MYCBP2: variants seen among roughly 807,000 people sequenced by gnomAD.
MYCBP2 encodes MYC binding protein 2, also known as E3 ubiquitin-protein ligase MYCBP2.
MYCBP2 carries 120 observed loss-of-function variants against 525.3 expected under a neutral mutation model. The observed-to-expected ratio is 0.23, with a 90% CI of 0.20 to 0.27. The LOEUF (loss-of-function observed/expected upper bound fraction) is 0.27. Ranked by LOEUF, MYCBP2 falls within the 10% of genes least tolerant of loss-of-function variation. The probability of loss-of-function intolerance (pLI) is 1.00; values close to 1 mark genes in which losing one functional copy is unlikely to be tolerated. For synonymous variants in MYCBP2, 1,894 were observed against 1,955.8 expected (o/e 0.97, Z 0.83); for missense variants, 4,149 against 5,657.1 (o/e 0.73, Z 8.55).
intron 38 of MYCBP2, among the ~76,000 whole-genome samples, chr13:77,170,558 A>C (rs1379169736): frequency 6.6e-6 from 1 of 151,924 alleles, no homozygotes; most frequent in Non-Finnish European, 1.5e-5. Flanking sequence ...AATGTTATAC[A>C]ATAAGGAGGT....
In MYCBP2 at chr13:77,191,774, C is replaced by T. The variant is rs1229615471; in HGVS notation, c.3975G>A (p.Leu1325=). The T allele has an allele frequency of 6.2e-7, 1 of 1,613,942 alleles. No individual in the cohort carries two copies. Among genetic ancestry groups the T allele is most frequent in the Non-Finnish European group, 8.5e-7 (1 of 1,180,000 alleles). The change falls in exon 28 of 83, where the codon CTG becomes CTA. Residue 1325 remains leucine (L), a synonymous_variant. Transcript: ENST00000544440. ...ATGCCACATACCACCACCCAGCTTG[C>T]AGGAGAACAGGCTCATCAAACATCA... ...YAMMFDEPVL[L]QAGWWYVAWA... is the part of the protein sequence containing the mutation.
chr13:77,228,488 T>TA (rs2066634149), intron 18 of MYCBP2, among the ~76,000 whole-genome samples: 2 of 147,018 alleles, frequency 1.4e-5, no homozygotes, highest in South Asian at 4.3e-4. Flanking sequence ...GCCTAGGTGA[T>TA]AGAGTGAGAC....
chr13:77,225,697 G>A, intron 18 of MYCBP2, 143 bp from the exon 19 acceptor site: 2 of 1,028,758 alleles, frequency 1.9e-6, no homozygotes, highest in South Asian at 3.7e-5. Context: ...AGAAGTGATA[G>A]ATCAAGAATC....
chr13:77,131,384 T>C (rs967497479), intron 52 of MYCBP2, among the ~76,000 whole-genome samples: 1 of 151,926 alleles, frequency 6.6e-6, no homozygotes, highest in Non-Finnish European at 1.5e-5. Context: ...CTCGGCATGG[T>C]AGTACATGCC....
Position 77,098,864 on chromosome 13 carries a change from A to C in MYCBP2, c.8290T>G (p.Leu2764Val). ...AAGATGAGGGATTCACTAGCAGATA[A>C]ACTTTCTGTGCCCCTTGGCTTCTTC... ...DQKKPRGTES[L>V]SASESLILKS... Residue 2764 changes from leucine (L) to valine (V), a missense_variant, in exon 56 of 83, where the codon TTA becomes GTA. This residue lies in a region of MYCBP2 where 653 missense variants were observed against 744.7 expected (regional missense o/e 0.88). Coordinates refer to ENST00000544440, the MANE Select transcript of MYCBP2 (RefSeq NM_015057.5). 1 of 1,613,646 alleles carries C rather than the reference A, an allele frequency of 6.2e-7. No individual in the cohort carries two copies. Among genetic ancestry groups the C allele is most frequent in the Non-Finnish European group, 8.5e-7 (1 of 1,179,748 alleles).
intron 62 of MYCBP2, among the ~76,000 whole-genome samples, chr13:77,084,310 T>C (rs945673079): frequency 4.6e-5 from 7 of 152,194 alleles, no homozygotes; most frequent in South Asian, 4.1e-4. Flanking sequence ...TTGCTACCAA[T>C]GTAAGCCCAT....
intron 68 of MYCBP2, 61 bp downstream of exon 68, chr13:77,076,686 GAATT>G: frequency 1.0e-6 from 1 of 966,088 alleles, no homozygotes; most frequent in Non-Finnish European, 1.6e-6. Flanking sequence ...AGCAATAAAT[GAATT>G]ATTTCACTGA....
At chr13:77,224,903 A>T (rs568635107) in intron 19 of MYCBP2, among the ~76,000 whole-genome samples, 1 of 152,282 alleles carries the variant, frequency 6.6e-6, no homozygotes, top group South Asian at 2.1e-4. Context: ...TACGTACAAC[A>T]TCAATGAAAC....
chr13:77,227,471 C>T (rs144664478), intron 18 of MYCBP2, among the ~76,000 whole-genome samples: 59 of 118,530 alleles, frequency 5.0e-4, no homozygotes, highest in African/African-American at 1.9e-3. Flanking sequence ...CCTACACACA[C>T]ACACACACAT....
chr13:77,272,519 T>C (rs903614881), intron 5 of MYCBP2: 2 of 152,230 alleles, frequency 1.3e-5, no homozygotes, highest in African/African-American at 4.8e-5. Context: ...TTTTAAAATA[T>C]TTGCATATTT....
At chr13:77,227,362 CCAA>C (rs1341164339) in intron 18 of MYCBP2, among the ~76,000 whole-genome samples, 3 of 135,858 alleles carry the variant, frequency 2.2e-5, no homozygotes, top group Non-Finnish European at 4.8e-5. Context: ...AAAAAAAAAA[CCAA>C]CAACATTTAG....
At chr13:77,134,756 T>A (rs2053477391) in intron 52 of MYCBP2, among the ~76,000 whole-genome samples, 1 of 152,196 alleles carries the variant, frequency 6.6e-6, no homozygotes, top group Admixed American at 6.5e-5. Flanking sequence ...TTATTTTGTC[T>A]CTCAACTAGA....
At chr13:77,230,557 C>A (rs1566988053) in intron 18 of MYCBP2, among the ~76,000 whole-genome samples, 1 of 152,040 alleles carries the variant, frequency 6.6e-6, no homozygotes, top group African/African-American at 2.4e-5. Context: ...GGGGATGGGA[C>A]CCAAGTCTAA....
At chr13:77,091,705 T>C (rs765486557) in intron 59 of MYCBP2, among the ~76,000 whole-genome samples, 2 of 152,118 alleles carry the variant, frequency 1.3e-5, no homozygotes, top group Non-Finnish European at 2.9e-5. Flanking sequence ...ACTGATTTAA[T>C]GAATTCATTT....
At chr13:77,181,536 A>G (rs2060219855) in intron 33 of MYCBP2, among the ~76,000 whole-genome samples, 165 bp downstream of exon 33, 1 of 152,206 alleles carries the variant, frequency 6.6e-6, no homozygotes, top group Non-Finnish European at 1.5e-5. Flanking sequence ...TATTTAAAAT[A>G]ATCATTTTGT....
chr13:77,171,737 T>C (rs2059161085), intron 37 of MYCBP2, 103 bp from the exon 38 acceptor site: 2 of 1,138,376 alleles, frequency 1.8e-6, no homozygotes, highest in Non-Finnish European at 2.5e-6. Flanking sequence ...AATTTATAGC[T>C]TTTTAAAAGT....
At chr13:77,289,121 C>T (rs571549372) in intron 2 of MYCBP2, among the ~76,000 whole-genome samples, 1 of 151,780 alleles carries the variant, frequency 6.6e-6, no homozygotes, top group East Asian at 1.9e-4. Context: ...CAGGAAGTAT[C>T]TAAGATAAAC....
intron 52 of MYCBP2, among the ~76,000 whole-genome samples, 181 bp from the exon 53 acceptor site, chr13:77,126,723 A>C (rs2051735031): frequency 6.6e-6 from 1 of 152,158 alleles, no homozygotes; most frequent in South Asian, 2.1e-4. Context: ...TTTTTCAACA[A>C]TGCTATTTAA....
rs375055687 is a variant in MYCBP2 at position 77,141,835 on chromosome 13, C to T, written c.7304-892G>A. 3.1e-4 allele frequency among the ~76,000 whole-genome samples: 47 copies of T among 150,904 alleles called. No individual in the cohort carries two copies. The East Asian group carries it at 6.6e-3, about 21-fold the overall frequency. On this transcript the variant is annotated intron_variant, in intron 49 of 82. Transcript: ENST00000544440. ...ATATATATTAAATGCACAATAAATG[C>T]TAGCTATTATTATTATAACTATTCT...
Sources: allele counts gnomAD v4.1 joint callset (sites outside exome capture counted in the v4.1 genomes callset), GRCh38; gene constraint gnomAD v4.1.1; regional missense constraint gnomAD v4.1.1; transcripts MANE v1.5; gene names NCBI Gene and HGNC (gene_info 2026-07-23, HGNC 2026-07-21).